FHIT: variants seen among roughly 807,000 people sequenced by gnomAD.
FHIT encodes fragile histidine triad diadenosine triphosphatase, also known as bis(5'-adenosyl)-triphosphatase.
FHIT carries 19 observed loss-of-function variants against 17.9 expected under a neutral mutation model. That is an observed-to-expected ratio of 1.06 (90% confidence interval 0.74 to 1.56). The LOEUF (loss-of-function observed/expected upper bound fraction) is 1.56, where lower values mean the gene tolerates loss of function less well. FHIT is among the 40% of genes most tolerant of loss of function. The pLI, the probability that FHIT is intolerant of heterozygous loss-of-function variation, is 0.00. For synonymous variants in FHIT, 81 were observed against 69.7 expected (o/e 1.16, Z -0.81); for missense variants, 248 against 189.2 (o/e 1.31, Z -1.82).
chr3:60,509,660 C>T (rs751948261), intron 5 of FHIT, among the ~76,000 whole-genome samples: 1 of 152,160 alleles, frequency 6.6e-6, no homozygotes, highest in Admixed American at 6.5e-5. Context: ...AAAGCATGTC[C>T]ACTTTAGTCC....
At chr3:60,851,448 G>A (rs1003867475) in intron 3 of FHIT, among the ~76,000 whole-genome samples, 1 of 152,118 alleles carries the variant, frequency 6.6e-6, no homozygotes, top group Non-Finnish European at 1.5e-5. Flanking sequence ...TCAGGAAAAT[G>A]AGAATGACTC....
intron 8 of FHIT, among the ~76,000 whole-genome samples, chr3:59,813,198 T>C: frequency 6.6e-6 from 1 of 152,218 alleles, no homozygotes; most frequent in East Asian, 1.9e-4. Flanking sequence ...AGCACCTTAC[T>C]CCCTAGGCTT....
At chr3:61,044,935 G>C (rs1348247641) in intron 2 of FHIT, among the ~76,000 whole-genome samples, 3 of 152,144 alleles carry the variant, frequency 2.0e-5, no homozygotes, top group Admixed American at 6.5e-5. Context: ...CCAATACTGA[G>C]AGATTTAGCC....
chr3:60,438,739 T>C (rs2030520945), intron 5 of FHIT, among the ~76,000 whole-genome samples: 3 of 152,122 alleles, frequency 2.0e-5, no homozygotes, highest in South Asian at 4.1e-4. Flanking sequence ...ATAACATTCA[T>C]GCTGATCACC....
chr3:60,093,879 C>T (rs774570985), intron 5 of FHIT, among the ~76,000 whole-genome samples: 1 of 152,156 alleles, frequency 6.6e-6, no homozygotes, highest in Non-Finnish European at 1.5e-5. Flanking sequence ...GACTGCTGTT[C>T]TATATTGCCT....
intron 5 of FHIT, among the ~76,000 whole-genome samples, chr3:60,057,544 GGAT>G (rs763499263): frequency 4.6e-5 from 7 of 152,144 alleles, no homozygotes; most frequent in Non-Finnish European, 1.0e-4. Flanking sequence ...CAGTCACAAA[GGAT>G]GATATTGTGA....
intron 5 of FHIT, among the ~76,000 whole-genome samples, chr3:60,427,102 A>G (rs981334813): frequency 6.6e-6 from 1 of 152,068 alleles, no homozygotes; most frequent in Admixed American, 6.6e-5. Flanking sequence ...TAAGGGGCTG[A>G]GGCTTTTTTT....
intron 5 of FHIT, among the ~76,000 whole-genome samples, chr3:60,418,897 G>T (rs1157908532): frequency 6.6e-6 from 1 of 152,020 alleles, no homozygotes; most frequent in African/African-American, 2.4e-5. Flanking sequence ...CTCCACATAT[G>T]TGCATCTTTA....
rs551455225 is a variant in FHIT, at chr3:59,791,919, C to T, written c.349-39598G>A. Reference sequence around the variant, plus strand: ...CTTCAGCCAGTCAAGGAGTAGCTTACGGCAGCTAAGAATAAGACAGTGGGA... The same window carrying T: ...CTTCAGCCAGTCAAGGAGTAGCTTATGGCAGCTAAGAATAAGACAGTGGGA... On this transcript the variant is annotated intron_variant, in intron 8 of 9. Coordinates refer to ENST00000492590, the MANE Select transcript of FHIT (RefSeq NM_002012.4). Among the ~76,000 whole-genome samples, 21 of 152,230 alleles carry T rather than the reference C, an allele frequency of 1.4e-4. 1 individual carries two copies. Among genetic ancestry groups the T allele is most frequent in the South Asian group, 1.0e-3 (5 of 4,820 alleles).
At chr3:59,894,264 TGATCATA>T (rs1559706015) in intron 8 of FHIT, among the ~76,000 whole-genome samples, 1 of 152,132 alleles carries the variant, frequency 6.6e-6, no homozygotes, top group Non-Finnish European at 1.5e-5. Flanking sequence ...ACAAACAAAA[TGATCATA>T]GATTCTAAAT....
chr3:61,079,280 T>C (rs1029358415), intron 2 of FHIT, among the ~76,000 whole-genome samples: 4 of 152,146 alleles, frequency 2.6e-5, no homozygotes, highest in African/African-American at 9.7e-5. Context: ...TAACTAATAG[T>C]ATAAGTAGCC....
intron 5 of FHIT, among the ~76,000 whole-genome samples, chr3:60,371,841 GGT>G (rs1491386850): frequency 1.7e-5 from 1 of 59,258 alleles, no homozygotes; most frequent in African/African-American, 8.7e-5. Flanking sequence ...ATTTTTGTGG[GGT>G]TTTTTTTTTT....
intron 5 of FHIT, among the ~76,000 whole-genome samples, chr3:60,056,051 C>T (rs1364138304): frequency 1.3e-5 from 2 of 152,254 alleles, no homozygotes; most frequent in Non-Finnish European, 2.9e-5. Flanking sequence ...CTGCCCCCTT[C>T]ACACACTGTC....
intron 8 of FHIT, among the ~76,000 whole-genome samples, chr3:59,889,422 G>A (rs1400100120): frequency 2.0e-5 from 3 of 152,176 alleles, no homozygotes; most frequent in African/African-American, 7.2e-5. Flanking sequence ...ACGTACCACA[G>A]GCCATTAGGA....
At chr3:59,788,409 C>T (rs1416745368) in intron 8 of FHIT, among the ~76,000 whole-genome samples, 2 of 152,180 alleles carry the variant, frequency 1.3e-5, no homozygotes, top group African/African-American at 4.8e-5. Flanking sequence ...TCTCTGGGCT[C>T]CAGCCCCAAG....
At chr3:59,832,331 C>G (rs935398216) in intron 8 of FHIT, among the ~76,000 whole-genome samples, 1 of 152,158 alleles carries the variant, frequency 6.6e-6, no homozygotes, top group Non-Finnish European at 1.5e-5. Flanking sequence ...ACGTCTTTAA[C>G]TTAACTCCAA....
intron 4 of FHIT, among the ~76,000 whole-genome samples, chr3:60,604,461 G>A (rs2038544413): frequency 6.6e-6 from 1 of 152,190 alleles, no homozygotes; most frequent in Non-Finnish European, 1.5e-5. Flanking sequence ...GATCTAGGAA[G>A]AGCCAGACAT....
intron 1 of FHIT, among the ~76,000 whole-genome samples, chr3:61,236,190 T>C (rs1171691114): frequency 6.8e-6 from 1 of 148,112 alleles, no homozygotes; most frequent in Non-Finnish European, 1.5e-5. Context: ...ATATTTTTGT[T>C]ATAATATATA....
Position 60,130,992 on chromosome 3 carries a change from CACATATAT to C in FHIT, c.104-116848_104-116841del, listed in dbSNP as rs1559661271. 3.4e-3 allele frequency among the ~76,000 whole-genome samples: 440 copies of C among 128,860 alleles called. 8 individuals carry two copies. The highest frequency in any genetic ancestry group is 0.026 in the Admixed American group (303 of 11,786). The allele number at this position is 128,860 out of a possible 152,430, so 84.5% of individuals were successfully genotyped here. On this transcript the variant is annotated intron_variant, in intron 5 of 9. Coordinates refer to ENST00000492590, the MANE Select transcript of FHIT (RefSeq NM_002012.4). ...AAAGGTATATATATACACATATATACACATATATACATATGTGTATATATACACATATA... is the reference window on the plus strand; with the variant it reads ...AAAGGTATATATATACACATATATACACATATGTGTATATATACACATATA...
Sources: gnomAD v4.1 joint callset for allele counts (sites outside exome capture counted in the v4.1 genomes callset) on GRCh38, gnomAD v4.1.1 for gene constraint, MANE v1.5 for transcripts, NCBI Gene and HGNC (gene_info 2026-07-23, HGNC 2026-07-21) for gene names.